Variants in POSTN observed in about 807,000 individuals in gnomAD.
POSTN encodes the protein osteoblast specific factor 2 (fasciclin I-like).
POSTN carries 71 observed loss-of-function variants against 104.5 expected under a neutral mutation model. The observed-to-expected ratio is 0.68, with a 90% CI of 0.56 to 0.83. The LOEUF is 0.83. Among genes scored for constraint, POSTN ranks in the 40% least tolerant of loss-of-function variants. The probability of loss-of-function intolerance (pLI) is 0.00; values close to 1 mark genes in which losing one functional copy is unlikely to be tolerated. For missense variants in POSTN, 949 were observed against 1,006.8 expected (o/e 0.94, Z 0.78); for synonymous variants, 355 against 340.7 (o/e 1.04, Z -0.46).
chr13:37,588,244 A>C (rs899995557), intron 4 of POSTN, among the ~76,000 whole-genome samples: 27 of 152,176 alleles, frequency 1.8e-4, no homozygotes. Flanking sequence ...ATGAAGAGAC[A>C]ATCTTGATAT....
Position 37,580,616 on chromosome 13 carries a change from T to G in POSTN, c.1474A>C (p.Ile492Leu). 1 of 1,614,178 alleles carries G rather than the reference T, an allele frequency of 6.2e-7. No individual in the cohort carries two copies. Among genetic ancestry groups the G allele is most frequent in the Non-Finnish European group, 8.5e-7 (1 of 1,180,014 alleles). The change falls in exon 11 of 23, where the codon ATC (isoleucine) becomes CTC (leucine). Residue 492 changes from isoleucine (I) to leucine (L), a missense_variant. Physicochemically the swap from Ile to Leu is conservative, Grantham distance 5. Transcript: ENST00000379747. ...NGAIHIFREI[I>L]KPAEKSLHEK... ...TGGAGGGATTTCTCTGCTGGCTTGA[T>G]GATCTCGCGGAATATGTGAATCGCA...
intron 2 of POSTN, among the ~76,000 whole-genome samples, chr13:37,593,077 TTTAATA>T (rs1216468394): frequency 2.0e-5 from 3 of 151,160 alleles, no homozygotes; most frequent in Non-Finnish European, 4.4e-5. Context: ...GTAAGTTTAT[TTTAATA>T]TTAGAGTTTA....
intron 21 of POSTN, among the ~76,000 whole-genome samples, chr13:37,568,476 A>G (rs1426701350): frequency 6.6e-6 from 1 of 152,076 alleles, no homozygotes; most frequent in East Asian, 1.9e-4. Flanking sequence ...ATGTTTCTCA[A>G]TTAATAGTAT....
intron 2 of POSTN, among the ~76,000 whole-genome samples, chr13:37,595,033 G>T (rs1951046181): frequency 7.0e-6 from 1 of 142,326 alleles, no homozygotes; most frequent in Admixed American, 7.4e-5. Flanking sequence ...AAAAAGCCAG[G>T]CTTCAAAGTA....
chr13:37,569,888 G>A, intron 19 of POSTN, 67 bp from the exon 20 acceptor site: 1 of 1,087,258 alleles, frequency 9.2e-7, no homozygotes, highest in South Asian at 1.3e-5. Flanking sequence ...AAGTGACAGA[G>A]AGTAAGTATT....
intron 15 of POSTN, among the ~76,000 whole-genome samples, chr13:37,578,524 G>T (rs533614499): frequency 4.6e-5 from 7 of 152,064 alleles, no homozygotes; most frequent in African/African-American, 1.7e-4. Flanking sequence ...TAGGCTAGGC[G>T]CGGTGGCTCA....
At chr13:37,581,369 T>A (rs1950584737) in intron 10 of POSTN, among the ~76,000 whole-genome samples, 1 of 152,164 alleles carries the variant, frequency 6.6e-6, no homozygotes, top group Non-Finnish European at 1.5e-5. Context: ...ACTGAACGTA[T>A]CATTAGTTGA....
At chr13:37,594,000 A>G (rs1951014388) in intron 2 of POSTN, among the ~76,000 whole-genome samples, 1 of 151,878 alleles carries the variant, frequency 6.6e-6, no homozygotes, top group South Asian at 2.1e-4. Flanking sequence ...ACCCACTTCA[A>G]GTTATTCTCT....
chr13:37,589,818 C>T (rs1282473584), intron 4 of POSTN, among the ~76,000 whole-genome samples: 2 of 151,802 alleles, frequency 1.3e-5, no homozygotes, highest in South Asian at 2.1e-4. Flanking sequence ...TTTATAGATT[C>T]GGAAATTGAG....
intron 2 of POSTN, among the ~76,000 whole-genome samples, chr13:37,595,771 G>A (rs886396671): frequency 1.2e-4 from 18 of 151,330 alleles, no homozygotes; most frequent in Non-Finnish European, 2.5e-4. Context: ...ATGTTTTACA[G>A]GTAAGTCTAC....
intron 7 of POSTN, among the ~76,000 whole-genome samples, chr13:37,585,684 A>C (rs946767416): frequency 2.0e-5 from 3 of 152,168 alleles, no homozygotes; most frequent in Non-Finnish European, 4.4e-5. Flanking sequence ...ATGCAAGCAC[A>C]ATGTAAAACC....
rs779738002 is a variant in POSTN at position 37,598,650 on chromosome 13, T to C, written c.77A>G (p.Asp26Gly). The change falls in exon 1 of 23, where the codon GAC (aspartate) becomes GGC (glycine). Residue 26 changes from aspartate to glycine, a missense_variant. By Grantham distance (94) the Asp-to-Gly change is moderately conservative. Transcript: ENST00000379747. The part of the protein sequence containing the change: ...VNPINANNHY[D>G]KILAHSRIRG... ...GATACGACTATGAGCCAAGATCTTG[T>C]CATAATGATTGTTGGCGTTTATAGG... is the stretch of plus-strand genomic sequence containing the variant. 5.6e-6 allele frequency: 9 copies of C among 1,613,444 alleles called. No individual in the cohort carries two copies. The East Asian group carries it at 2.0e-4, about 36-fold the overall frequency.
intron 2 of POSTN, among the ~76,000 whole-genome samples, chr13:37,593,602 A>G (rs1037835514): frequency 3.3e-5 from 5 of 151,542 alleles, no homozygotes; most frequent in Non-Finnish European, 7.4e-5. Flanking sequence ...AACATGAATC[A>G]GCTTATTCAA....
intron 4 of POSTN, among the ~76,000 whole-genome samples, chr13:37,589,882 T>C (rs1252179514): frequency 6.6e-6 from 1 of 152,156 alleles, no homozygotes; most frequent in Non-Finnish European, 1.5e-5. Flanking sequence ...GAAAATCAAA[T>C]GTATTTTCAC....
intron 18 of POSTN, 55 bp downstream of exon 18, chr13:37,571,314 A>G: frequency 1.7e-6 from 2 of 1,147,996 alleles, no homozygotes; most frequent in Non-Finnish European, 2.5e-6. Flanking sequence ...AACCAACACT[A>G]TTTCAAAATA....
chr13:37,563,529 A>G (rs1396244989), intron 22 of POSTN, among the ~76,000 whole-genome samples, 159 bp from the exon 23 acceptor site: 1 of 152,110 alleles, frequency 6.6e-6, no homozygotes, highest in Non-Finnish European at 1.5e-5. Flanking sequence ...TGAAGCAAAT[A>G]TTATATTTTG....
intron 6 of POSTN, 146 bp from the exon 7 acceptor site, chr13:37,586,426 G>T (rs1950747286): frequency 1.1e-6 from 1 of 910,888 alleles, no homozygotes; most frequent in Non-Finnish European, 1.6e-6. Context: ...ATTACTTTTT[G>T]ACACAACCAT....
intron 16 of POSTN, among the ~76,000 whole-genome samples, chr13:37,575,464 A>G (rs1950379344): frequency 6.7e-6 from 1 of 149,120 alleles, no homozygotes; most frequent in South Asian, 2.1e-4. Context: ...GATCTATAAT[A>G]AAAGTAAATT....
intron 16 of POSTN, among the ~76,000 whole-genome samples, chr13:37,575,480 AAATT>A (rs71690443): frequency 0.12 from 18,396 of 151,956 alleles, 1,643 homozygotes; most frequent in African/African-American, 0.24. Context: ...AAATTAAAAT[AAATT>A]AAATACCAGT....
Sources: gnomAD v4.1 joint callset for allele counts (sites outside exome capture counted in the v4.1 genomes callset) on GRCh38, gnomAD v4.1.1 for gene constraint, MANE v1.5 for transcripts, NCBI Gene and HGNC (gene_info 2026-07-23, HGNC 2026-07-21) for gene names.